KCNIP4: variants seen among roughly 807,000 people sequenced by gnomAD.
KCNIP4 encodes potassium voltage-gated channel interacting protein 4, also known as Kv channel-interacting protein 4.
In KCNIP4, 12 loss-of-function variants were observed where a neutral mutation model predicts 34.0. The observed-to-expected ratio is 0.35, with a 90% CI of 0.23 to 0.57. KCNIP4 has a LOEUF of 0.57. KCNIP4 is among the 20% of genes least tolerant of loss of function. The pLI, the probability that KCNIP4 is intolerant of heterozygous loss-of-function variation, is 0.83. For synonymous variants in KCNIP4, 124 were observed against 102.2 expected (o/e 1.21, Z -1.29); for missense variants, 238 against 311.7 (o/e 0.76, Z 1.78).
chr4:20,778,345 C>T (rs1275868190), intron 3 of KCNIP4, among the ~76,000 whole-genome samples: 1 of 152,058 alleles, frequency 6.6e-6, no homozygotes, highest in East Asian at 1.9e-4. Flanking sequence ...ATTTGTAGAA[C>T]CTTAAATTCT....
chr4:21,643,918 T>A (rs1441962000), intron 1 of KCNIP4, among the ~76,000 whole-genome samples: 1 of 129,614 alleles, frequency 7.7e-6, no homozygotes, highest in East Asian at 5.2e-4. Flanking sequence ...ATAGATAGAC[T>A]GGCAGAAAGA....
intron 1 of KCNIP4, among the ~76,000 whole-genome samples, chr4:21,913,276 G>T (rs1382129139): frequency 6.6e-6 from 1 of 152,074 alleles, no homozygotes; most frequent in African/African-American, 2.4e-5. Context: ...GGAGTTGGGG[G>T]CTGCAGTGAG....
intron 1 of KCNIP4, chr4:21,303,699 C>T: frequency 6.2e-6 from 5 of 808,624 alleles, no homozygotes; most frequent in Non-Finnish European, 9.6e-6. Context: ...ATGTCCATCC[C>T]AGAGTAACAT....
chr4:21,139,907 C>G (rs6448028), intron 1 of KCNIP4, among the ~76,000 whole-genome samples: 80,273 of 151,924 alleles, frequency 0.53, 21,797 homozygotes, highest in African/African-American at 0.64. Flanking sequence ...CCCTCAGCCA[C>G]GTTTAATGAT....
chr4:21,758,360 G>T (rs1717809022), intron 1 of KCNIP4, among the ~76,000 whole-genome samples: 3 of 152,208 alleles, frequency 2.0e-5, no homozygotes, highest in Admixed American at 1.3e-4. Flanking sequence ...TTTTGTGGGA[G>T]AGTGCATGTT....
At chr4:21,523,489 T>C (rs1014211163) in intron 1 of KCNIP4, among the ~76,000 whole-genome samples, 49 of 152,152 alleles carry the variant, frequency 3.2e-4, no homozygotes, top group African/African-American at 1.1e-3. Context: ...TCCTCAATAA[T>C]ATTCACTCAT....
chr4:21,616,927 G>A (rs1192262650), intron 1 of KCNIP4, among the ~76,000 whole-genome samples: 2 of 152,034 alleles, frequency 1.3e-5, no homozygotes, highest in African/African-American at 4.8e-5. Flanking sequence ...TCTTTTTAGA[G>A]AACAAAATTC....
chr4:21,544,631 T>A (rs1000603058), intron 1 of KCNIP4: 1 of 152,182 alleles, frequency 6.6e-6, no homozygotes, highest in African/African-American at 2.4e-5. Flanking sequence ...TGCCCTGCAT[T>A]CCTTCTCACA....
chr4:20,844,178 C>A (rs1720091592), intron 3 of KCNIP4, among the ~76,000 whole-genome samples: 1 of 152,062 alleles, frequency 6.6e-6, no homozygotes, highest in African/African-American at 2.4e-5. Flanking sequence ...AGGTTTGAAC[C>A]CTGGACAGCG....
At chr4:21,870,131 G>A (rs777626099) in intron 1 of KCNIP4, among the ~76,000 whole-genome samples, 14 of 152,108 alleles carry the variant, frequency 9.2e-5, no homozygotes, top group African/African-American at 2.9e-4. Context: ...GCAACTTAGC[G>A]TCACCTTAGT....
At chr4:21,196,517 C>T (rs142524589) in intron 1 of KCNIP4, among the ~76,000 whole-genome samples, 2 of 152,200 alleles carry the variant, frequency 1.3e-5, no homozygotes, top group African/African-American at 4.8e-5. Context: ...TTCTTACTTT[C>T]GAGGATATCT....
intron 3 of KCNIP4, among the ~76,000 whole-genome samples, chr4:20,818,530 C>T (rs376301850): frequency 6.6e-6 from 1 of 152,136 alleles, no homozygotes; most frequent in African/African-American, 2.4e-5. Flanking sequence ...TTTTTGGAAG[C>T]TGCAAACCTC....
At chr4:21,749,635 C>T (rs540895886) in intron 1 of KCNIP4, among the ~76,000 whole-genome samples, 7 of 152,214 alleles carry the variant, frequency 4.6e-5, no homozygotes, top group South Asian at 4.1e-4. Context: ...TAATGAGACC[C>T]GTCATTCTTG....
intron 2 of KCNIP4, among the ~76,000 whole-genome samples, chr4:20,853,450 T>A (rs1265718968): frequency 1.3e-5 from 2 of 152,122 alleles, no homozygotes; most frequent in Non-Finnish European, 2.9e-5. Context: ...TGTAGGAGAA[T>A]GAAACTGGGT....
intron 1 of KCNIP4, among the ~76,000 whole-genome samples, chr4:21,486,289 A>G (rs1231213188): frequency 6.6e-6 from 1 of 152,234 alleles, no homozygotes; most frequent in Non-Finnish European, 1.5e-5. Context: ...AGCTTCAGGC[A>G]GCACAGAGCC....
chr4:20,946,804 C>A (rs1052375476), intron 1 of KCNIP4, among the ~76,000 whole-genome samples: 1 of 152,076 alleles, frequency 6.6e-6, no homozygotes, highest in African/African-American at 2.4e-5. Flanking sequence ...TAATAAAATG[C>A]AGGCCCCTAA....
At chr4:21,707,869 G>A (rs1037767988) in intron 1 of KCNIP4, among the ~76,000 whole-genome samples, 6 of 151,390 alleles carry the variant, frequency 4.0e-5, no homozygotes, top group African/African-American at 1.5e-4. Flanking sequence ...AAAAAAGGAT[G>A]AGACGTGTCC....
At chr4:21,339,871 G>C (rs1578099136) in intron 1 of KCNIP4, among the ~76,000 whole-genome samples, 2 of 152,144 alleles carry the variant, frequency 1.3e-5, no homozygotes, top group African/African-American at 4.8e-5. Flanking sequence ...CCAAAGAACA[G>C]GGCTGATGGT....
At chr4:20,864,609 G>A (rs1228621913) in intron 2 of KCNIP4, among the ~76,000 whole-genome samples, 1 of 151,934 alleles carries the variant, frequency 6.6e-6, no homozygotes, top group African/African-American at 2.4e-5. Flanking sequence ...CCCAGAGCAG[G>A]AGAGAGGATG....
Sources: allele counts gnomAD v4.1 joint callset (sites outside exome capture counted in the v4.1 genomes callset), GRCh38; gene constraint gnomAD v4.1.1; transcripts MANE v1.5; gene names NCBI Gene and HGNC (gene_info 2026-07-23, HGNC 2026-07-21).